Variants in LDLRAD3 observed in about 807,000 individuals in gnomAD.
LDLRAD3 encodes low density lipoprotein receptor class A domain containing 3, also known as low-density lipoprotein receptor class A domain-containing protein 3.
In LDLRAD3, 20 loss-of-function variants were observed where a neutral mutation model predicts 29.4. The observed-to-expected ratio is 0.68, with a 90% CI of 0.48 to 0.99. LDLRAD3 has a LOEUF of 0.99. Among genes scored for constraint, LDLRAD3 ranks in the 50% least tolerant of loss-of-function variants. LDLRAD3 has a pLI of 0.00. For missense variants in LDLRAD3, 420 were observed against 454.3 expected (o/e 0.92, Z 0.69); for synonymous variants, 157 against 192.7 (o/e 0.81, Z 1.53).
At chr11:36,113,564 T>G (rs370561594) in intron 4 of LDLRAD3, among the ~76,000 whole-genome samples, 82 of 152,288 alleles carry the variant, frequency 5.4e-4, no homozygotes, top group Middle Eastern at 6.8e-3. Context: ...TCATGACATA[T>G]TCACATGACC....
At position 36,132,125 on chromosome 11, in the gene LDLRAD3, A is replaced by G. The variant is rs140392579; in HGVS notation, c.454+33664A>G. ...AAAATTCATTTCATTAGCAGTCAGA[A>G]CAGTGTGTCCCTTTGAAGTTCAGAC... On this transcript the variant is annotated intron_variant, in intron 4 of 5. Transcript: ENST00000315571. Among the ~76,000 whole-genome samples, 8 of 152,264 alleles carry G rather than the reference A, an allele frequency of 5.3e-5. No individual in the cohort carries two copies. In the East Asian group the frequency reaches 1.5e-3, roughly 29 times the overall value.
chr11:36,169,970 G>A (rs940379841), intron 4 of LDLRAD3, among the ~76,000 whole-genome samples: 6 of 151,806 alleles, frequency 4.0e-5, no homozygotes, highest in Admixed American at 6.6e-5. Flanking sequence ...CCTATCACCC[G>A]AGCAATGTAC....
Position 36,150,359 on chromosome 11 carries a change from C to A in LDLRAD3, c.454+51898C>A, listed in dbSNP as rs183169947. On this transcript the variant is annotated intron_variant, in intron 4 of 5. Transcript: ENST00000315571. ...CCAGGGCAACAAAGTGAGACCTCAT[C>A]TCTACAAAAAAATTAAAAATTAGCC... is the stretch of plus-strand genomic sequence containing the variant. 2.4e-3 allele frequency among the ~76,000 whole-genome samples: 365 copies of A among 152,130 alleles called. 2 individuals carry two copies. Among genetic ancestry groups the A allele is most frequent in the African/African-American group, 8.2e-3 (342 of 41,508 alleles).
At chr11:36,071,790 C>T (rs1016798278) in intron 2 of LDLRAD3, among the ~76,000 whole-genome samples, 32 of 152,260 alleles carry the variant, frequency 2.1e-4, no homozygotes, top group African/African-American at 7.5e-4. Context: ...TACCTGGAGC[C>T]AGCAGCATCG....
In LDLRAD3 at chr11:36,230,957, T is replaced by C. The variant is rs1855567599; in HGVS notation, c.*1560T>C. 6.6e-6 allele frequency: 1 copy of C among 152,228 alleles called. No individual in the cohort carries two copies. The highest frequency in any genetic ancestry group is 1.5e-5 in the Non-Finnish European group (1 of 67,998). 9.4% of individuals were successfully genotyped at this position (152,228 alleles called of 1,614,324 possible). A position where few individuals can be genotyped will look rare whatever the true frequency, so the allele number is the denominator to read the frequency against. ...GTCTCTATGTTTGTGCTAGTTTTTC[T>C]TTTTTTTCTCTGTGTCCAGTCAGCC... On this transcript the variant is annotated 3_prime_UTR_variant, in exon 6 of 6. Coordinates refer to ENST00000315571, the MANE Select transcript of LDLRAD3 (RefSeq NM_174902.4).
intron 4 of LDLRAD3, 52 bp downstream of exon 4, chr11:36,098,513 A>G (rs139260068): frequency 6.2e-6 from 10 of 1,602,220 alleles, no homozygotes; most frequent in Non-Finnish European, 8.5e-6. Flanking sequence ...CACTGCAGTA[A>G]TGGAACACCC....
chr11:35,965,326 C>T (rs541074552), intron 1 of LDLRAD3, among the ~76,000 whole-genome samples: 15 of 152,136 alleles, frequency 9.9e-5, no homozygotes, highest in Non-Finnish European at 1.9e-4. Context: ...GAAGAGCTTG[C>T]TGCAATTGTG....
intron 4 of LDLRAD3, among the ~76,000 whole-genome samples, chr11:36,122,736 C>T (rs1346801048): frequency 6.6e-6 from 1 of 152,072 alleles, no homozygotes; most frequent in Non-Finnish European, 1.5e-5. Flanking sequence ...ACTCATGGTA[C>T]TGCCTGGTGT....
chr11:36,118,285 G>A (rs1853701695), intron 4 of LDLRAD3, among the ~76,000 whole-genome samples: 1 of 152,136 alleles, frequency 6.6e-6, no homozygotes, highest in Admixed American at 6.5e-5. Context: ...CACACAGCTA[G>A]GAAATGGCAA....
intron 4 of LDLRAD3, among the ~76,000 whole-genome samples, chr11:36,134,382 G>C (rs534791983): frequency 6.6e-6 from 1 of 152,194 alleles, no homozygotes; most frequent in African/African-American, 2.4e-5. Context: ...TGTAAAAATC[G>C]AGTTTTCCTG....
At chr11:36,177,299 C>A (rs1854693028) in intron 4 of LDLRAD3, among the ~76,000 whole-genome samples, 1 of 152,132 alleles carries the variant, frequency 6.6e-6, no homozygotes, top group Admixed American at 6.5e-5. Context: ...AATTGAGCTT[C>A]TTAGATCTTT....
intron 4 of LDLRAD3, among the ~76,000 whole-genome samples, chr11:36,106,202 A>G (rs1231073149): frequency 1.3e-5 from 2 of 151,818 alleles, no homozygotes; most frequent in Non-Finnish European, 2.9e-5. Flanking sequence ...TTAGGAGGAC[A>G]CCTCCCAGCC....
At chr11:36,054,229 C>G (rs1852572058) in intron 2 of LDLRAD3, among the ~76,000 whole-genome samples, 5 of 152,248 alleles carry the variant, frequency 3.3e-5, no homozygotes, top group Admixed American at 2.6e-4. Flanking sequence ...GTTAATTCTG[C>G]CAGGATTTTT....
At chr11:36,005,514 A>C (rs1229544307) in intron 1 of LDLRAD3, among the ~76,000 whole-genome samples, 1 of 152,230 alleles carries the variant, frequency 6.6e-6, no homozygotes, top group African/African-American at 2.4e-5. Context: ...GGTCAAGAAC[A>C]TTCAACAAGT....
intron 4 of LDLRAD3, among the ~76,000 whole-genome samples, chr11:36,145,366 C>T (rs1202918265): frequency 4.1e-5 from 4 of 98,068 alleles, no homozygotes; most frequent in South Asian, 3.7e-4. Context: ...CCAGCCGCCC[C>T]GTCTGGGAGG....
intron 4 of LDLRAD3, among the ~76,000 whole-genome samples, chr11:36,169,538 C>T (rs112775207): frequency 0.011 from 1,659 of 152,288 alleles, 33 homozygotes; most frequent in African/African-American, 0.037. Context: ...TAAGTGAGAA[C>T]ATGTAATATT....
intron 1 of LDLRAD3, among the ~76,000 whole-genome samples, chr11:36,016,063 C>T (rs759055385): frequency 3.1e-4 from 47 of 152,196 alleles, no homozygotes; most frequent in African/African-American, 1.0e-3. Context: ...CCGCAGAGGA[C>T]GAATGACGTT....
chr11:36,144,763 T>A (rs1281695580), intron 4 of LDLRAD3, among the ~76,000 whole-genome samples: 1 of 103,528 alleles, frequency 9.7e-6, no homozygotes, highest in African/African-American at 3.7e-5. Flanking sequence ...GAGGTGGGGG[T>A]CAGCCCCCCG....
chr11:36,208,717 CCT>C (rs1220080130), intron 4 of LDLRAD3, among the ~76,000 whole-genome samples: 1 of 151,970 alleles, frequency 6.6e-6, no homozygotes, highest in Non-Finnish European at 1.5e-5. Context: ...AGCAAATCTT[CCT>C]TATAGAAAAA....
Sources: gnomAD v4.1 joint callset for allele counts (sites outside exome capture counted in the v4.1 genomes callset) on GRCh38, gnomAD v4.1.1 for gene constraint, MANE v1.5 for transcripts, NCBI Gene and HGNC (gene_info 2026-07-23, HGNC 2026-07-21) for gene names.